The following GRM8 variants were observed in gnomAD, a reference collection of about 807,000 sequenced individuals.
The protein encoded by GRM8 is glutamate metabotropic receptor 8.
Under a neutral mutation model 87.2 loss-of-function variants are expected in GRM8, and 47 were observed. That is an observed-to-expected ratio of 0.54 (90% confidence interval 0.43 to 0.69). GRM8 has a LOEUF of 0.69. Ranked by LOEUF, GRM8 falls within the 30% of genes least tolerant of loss-of-function variation. The pLI is 0.00. For synonymous variants in GRM8, 396 were observed against 404.5 expected (o/e 0.98, Z 0.25); for missense variants, 1,019 against 1,139.2 (o/e 0.89, Z 1.52).
Position 126,922,541 on chromosome 7 carries a change from G to A in GRM8, c.728-17858C>T, listed in dbSNP as rs532541045. Among the ~76,000 whole-genome samples, 24 of 152,268 alleles carry A rather than the reference G, an allele frequency of 1.6e-4. No homozygotes were observed. In the South Asian group the frequency reaches 2.5e-3, roughly 16 times the overall value. Reference sequence around the variant, plus strand: ...TTGGGGATCAAGATTCAAAAGCACGGGGAGGGCAGTGGGTTTCTGTGAAGT... The same window carrying A: ...TTGGGGATCAAGATTCAAAAGCACGAGGAGGGCAGTGGGTTTCTGTGAAGT... On this transcript the variant is annotated intron_variant, in intron 3 of 10. Transcript: ENST00000339582.
At position 126,513,066 on chromosome 7, in the gene GRM8, T is replaced by C. The variant is rs1185402886; in HGVS notation, c.2430+19886A>G. Among the ~76,000 whole-genome samples the C allele has an allele frequency of 3.3e-5, 5 of 152,164 alleles. No homozygotes were observed. The East Asian group carries it at 9.7e-4, about 29-fold the overall frequency. ...CTAGAGTTTTCCTATCATTACCACTTTTCTGGATACCTGTATGTTTCAGAC... is the reference window on the plus strand; with the variant it reads ...CTAGAGTTTTCCTATCATTACCACTCTTCTGGATACCTGTATGTTTCAGAC... On this transcript the variant is annotated intron_variant, in intron 9 of 10. Transcript: ENST00000339582.
chr7:126,744,225 T>C (rs1414600700), intron 7 of GRM8, among the ~76,000 whole-genome samples: 1 of 152,066 alleles, frequency 6.6e-6, no homozygotes. Context: ...GAATTAGCCA[T>C]CTTTTTAATG....
intron 9 of GRM8, among the ~76,000 whole-genome samples, chr7:126,451,391 A>G (rs1802603897): frequency 6.6e-6 from 1 of 151,704 alleles, no homozygotes; most frequent in Non-Finnish European, 1.5e-5. Flanking sequence ...TACCTTCAAA[A>G]TTTGCTCAGA....
chr7:126,914,797 A>G (rs1417421773), intron 3 of GRM8, among the ~76,000 whole-genome samples: 1 of 152,180 alleles, frequency 6.6e-6, no homozygotes, highest in African/African-American at 2.4e-5. Context: ...CAAGGGCTAA[A>G]AACTTCCTAT....
intron 7 of GRM8, among the ~76,000 whole-genome samples, chr7:126,616,522 G>A (rs1287787267): frequency 2.6e-5 from 4 of 151,684 alleles, no homozygotes; most frequent in South Asian, 2.1e-4. Context: ...AAATAACTAA[G>A]ATCAGAGCAG....
chr7:127,184,336 G>T (rs1047435200), intron 2 of GRM8, among the ~76,000 whole-genome samples: 1 of 151,816 alleles, frequency 6.6e-6, no homozygotes, highest in East Asian at 1.9e-4. Flanking sequence ...GCTAGGCAAG[G>T]CTGTTTTAAT....
At chr7:126,644,705 A>G (rs953697185) in intron 7 of GRM8, among the ~76,000 whole-genome samples, 2 of 152,244 alleles carry the variant, frequency 1.3e-5, no homozygotes, top group Admixed American at 6.5e-5. Context: ...CTGGCAACAC[A>G]GTGAATTATT....
At chr7:127,151,149 G>A (rs1347155289) in intron 2 of GRM8, among the ~76,000 whole-genome samples, 1 of 151,994 alleles carries the variant, frequency 6.6e-6, no homozygotes, top group African/African-American at 2.4e-5. Flanking sequence ...GCCTCCTTAG[G>A]ACAGCACTGG....
At chr7:127,173,503 G>C (rs575145448) in intron 2 of GRM8, among the ~76,000 whole-genome samples, 1 of 152,224 alleles carries the variant, frequency 6.6e-6, no homozygotes, top group South Asian at 2.1e-4. Flanking sequence ...AGGTCAGGAG[G>C]ATCAGATTGT....
rs986597487 is a variant in GRM8, at chr7:126,438,868, T to C, written c.*251A>G. 7 of 370,494 alleles carry C rather than the reference T, an allele frequency of 1.9e-5. No individual in the cohort carries two copies. The highest frequency in any genetic ancestry group is 8.8e-5 in the Admixed American group (2 of 22,838). The allele number at this position is 370,494 out of a possible 1,614,324, so 23.0% of individuals were successfully genotyped here. A position where few individuals can be genotyped will look rare whatever the true frequency, so the allele number is the denominator to read the frequency against. On this transcript the variant is annotated 3_prime_UTR_variant, in exon 11 of 11. Transcript: ENST00000339582. ...GCTAACATTAGTTTTCCTTTTGTGA[T>C]TTGTTTTAACTGCTCATGAATAAGC...
intron 8 of GRM8, among the ~76,000 whole-genome samples, chr7:126,587,748 C>A (rs1796288893): frequency 6.6e-6 from 1 of 151,496 alleles, no homozygotes; most frequent in Non-Finnish European, 1.5e-5. Context: ...GGGTGCAGCA[C>A]ACCAACATGG....
chr7:126,438,713 T>C lies in GRM8; in HGVS notation c.*406A>G. ...CCCAGGGCTTCAATCTGGTCAGCCA[T>C]TACAAGAAACAGACTCATTGTCTTA... On this transcript the variant is annotated 3_prime_UTR_variant, in exon 11 of 11. Coordinates refer to ENST00000339582, the MANE Select transcript of GRM8 (RefSeq NM_000845.3). 6.2e-6 allele frequency: 1 copy of C among 160,578 alleles called. No homozygotes were observed. The highest frequency in any genetic ancestry group is 1.4e-5 in the Non-Finnish European group (1 of 73,316). The allele number at this position is 160,578 out of a possible 1,614,324, so 9.9% of individuals were successfully genotyped here.
intron 8 of GRM8, among the ~76,000 whole-genome samples, chr7:126,593,896 T>C (rs1796919986): frequency 6.6e-6 from 1 of 151,926 alleles, no homozygotes; most frequent in Non-Finnish European, 1.5e-5. Context: ...AACAGCTCAT[T>C]AGCAAGAAAA....
At chr7:126,677,687 A>G (rs1371963748) in intron 7 of GRM8, among the ~76,000 whole-genome samples, 2 of 152,144 alleles carry the variant, frequency 1.3e-5, no homozygotes, top group Non-Finnish European at 2.9e-5. Flanking sequence ...TAGACATTGG[A>G]GGCTCAGAAG....
At chr7:127,248,962 G>A (rs1463394866) in intron 1 of GRM8, among the ~76,000 whole-genome samples, 3 of 152,172 alleles carry the variant, frequency 2.0e-5, no homozygotes, top group Admixed American at 6.5e-5. Context: ...CATCTAAATC[G>A]CTATTCTGAA....
intron 3 of GRM8, among the ~76,000 whole-genome samples, chr7:126,989,656 TG>T (rs11343293): frequency 0.058 from 8,861 of 152,220 alleles, 846 homozygotes; most frequent in African/African-American, 0.2. Flanking sequence ...AATGGGCTAC[TG>T]GGGGCTGGGC....
At chr7:126,480,543 G>A (rs1806549801) in intron 9 of GRM8, among the ~76,000 whole-genome samples, 1 of 151,972 alleles carries the variant, frequency 6.6e-6, no homozygotes, top group African/African-American at 2.4e-5. Flanking sequence ...ACATATACCA[G>A]GGCTTAACAA....
intron 6 of GRM8, among the ~76,000 whole-genome samples, chr7:126,812,075 A>G (rs567861138): frequency 6.6e-6 from 1 of 152,132 alleles, no homozygotes; most frequent in African/African-American, 2.4e-5. Flanking sequence ...GTTCGCCACT[A>G]TGCAATATAT....
intron 3 of GRM8, among the ~76,000 whole-genome samples, chr7:126,982,359 T>G (rs534962161): frequency 6.6e-6 from 1 of 152,256 alleles, no homozygotes; most frequent in African/African-American, 2.4e-5. Flanking sequence ...ATACTTTGAG[T>G]CCTTCAATCC....
Sources: allele counts gnomAD v4.1 joint callset (sites outside exome capture counted in the v4.1 genomes callset), GRCh38; gene constraint gnomAD v4.1.1; transcripts MANE v1.5; gene names NCBI Gene and HGNC (gene_info 2026-07-23, HGNC 2026-07-21).